The following UBL4B variants were observed in gnomAD, a reference collection of about 807,000 sequenced individuals.
UBL4B encodes the protein ubiquitin-like protein 4B.
For missense variants in UBL4B, 194 were observed against 209.9 expected, an observed-to-expected ratio of 0.92 and a Z score of 0.47; for synonymous variants, 94 against 92.8, an observed-to-expected ratio of 1.01 and a Z score of -0.08.
Position 110,112,917 on chromosome 1 carries a change from A to G in UBL4B, c.383A>G (p.Glu128Gly). ...HEERLQKISL[E>G]HLEQLAQYLL... Reference sequence around the variant, plus strand: ...GAGCGCCTGCAGAAGATAAGCCTGGAGCACCTGGAGCAGCTGGCCCAGTAC... The same window carrying G: ...GAGCGCCTGCAGAAGATAAGCCTGGGGCACCTGGAGCAGCTGGCCCAGTAC... Residue 128 changes from glutamate to glycine, a missense_variant, in exon 1 of 1, where the codon GAG (glutamate) becomes GGG (glycine). By Grantham distance (98) the Glu-to-Gly change is moderately conservative. Coordinates refer to ENST00000334179, the MANE Select transcript of UBL4B (RefSeq NM_203412.2). 6.2e-7 allele frequency: 1 copy of G among 1,611,250 alleles called. No homozygotes were observed.
rs1389185900 is a variant in UBL4B at position 110,113,182 on chromosome 1, C to A, written c.*123C>A. ...CGTCCACACCCCTTTTTGAACCTTC[C>A]AAGCAGCTGGAGGGTTTTTGGATCC... On this transcript the variant is annotated 3_prime_UTR_variant, in exon 1 of 1. Transcript: ENST00000334179. 7.2e-7 allele frequency: 1 copy of A among 1,384,548 alleles called. No individual in the cohort carries two copies. The highest frequency in any genetic ancestry group is 9.6e-7 in the Non-Finnish European group (1 of 1,041,756). 85.8% of individuals were successfully genotyped at this position (1,384,548 alleles called of 1,614,324 possible). A position where few individuals can be genotyped will look rare whatever the true frequency, so the allele number is the denominator to read the frequency against.
rs1654817554 is a variant in UBL4B, at chr1:110,112,450, G to A, written c.-85G>A. ...TGGGACTACTAGCCCTTTGTTGATA[G>A]GGAGAAGCCAACATCTCCCGCAGGA... On this transcript the variant is annotated 5_prime_UTR_variant, in exon 1 of 1. Coordinates refer to ENST00000334179, the MANE Select transcript of UBL4B (RefSeq NM_203412.2). The A allele has an allele frequency of 6.6e-7, 1 of 1,516,632 alleles. No individual in the cohort carries two copies. The highest frequency in any genetic ancestry group is 8.8e-7 in the Non-Finnish European group (1 of 1,131,794). The allele number at this position is 1,516,632 out of a possible 1,614,324, so 93.9% of individuals were successfully genotyped here. A position where few individuals can be genotyped will look rare whatever the true frequency, so the allele number is the denominator to read the frequency against.
Position 110,113,288 on chromosome 1 carries a change from T to G in UBL4B, c.*229T>G. On this transcript the variant is annotated 3_prime_UTR_variant, in exon 1 of 1. Transcript: ENST00000334179. ...CATCACCATGCTTCCCCTAGAAGGG[T>G]TCTGATCACCGGAGGGCAGCCCCAA... The G allele has an allele frequency of 1.6e-6, 1 of 617,746 alleles. No individual in the cohort carries two copies. The highest frequency in any genetic ancestry group is 2.6e-5 in the South Asian group (1 of 38,908). The allele number at this position is 617,746 out of a possible 1,614,324, so 38.3% of individuals were successfully genotyped here.
At position 110,112,525 on chromosome 1, in the gene UBL4B, A is replaced by T. The variant is rs1181947254; in HGVS notation, c.-10A>T. 1.3e-6 allele frequency: 2 copies of T among 1,596,352 alleles called. No individual in the cohort carries two copies. Among genetic ancestry groups the T allele is most frequent in the South Asian group, 1.1e-5 (1 of 88,066 alleles). On this transcript the variant is annotated 5_prime_UTR_variant, in exon 1 of 1. Coordinates refer to ENST00000334179, the MANE Select transcript of UBL4B (RefSeq NM_203412.2). ...CAGAGCATGGATCCCTCCTGATTCC[A>T]CTCAGCCCGATGTTCCTCACAGTCA...
In UBL4B at chr1:110,113,860, A is replaced by G. The variant is rs1032987876; in HGVS notation, c.*801A>G. ...CTGGAAGGAAAAATGGTATCTGTCA[A>G]TGAGGATCCTTGCCCTCACAGAGCA... On this transcript the variant is annotated 3_prime_UTR_variant, in exon 1 of 1. Coordinates refer to ENST00000334179, the MANE Select transcript of UBL4B (RefSeq NM_203412.2). The G allele has an allele frequency of 1.2e-5, 2 of 167,088 alleles. No homozygotes were observed. Among genetic ancestry groups the G allele is most frequent in the Non-Finnish European group, 2.9e-5 (2 of 68,202 alleles). The allele number at this position is 167,088 out of a possible 1,614,324, so 10.4% of individuals were successfully genotyped here.
Position 110,113,010 on chromosome 1 carries a change from A to G in UBL4B, c.476A>G (p.Gln159Arg), listed in dbSNP as rs772830731. The G allele has an allele frequency of 3.7e-6, 6 of 1,604,170 alleles. No homozygotes were observed. Among genetic ancestry groups the G allele is most frequent in the Non-Finnish European group, 5.1e-6 (6 of 1,176,274 alleles). The change falls in exon 1 of 1, where the codon CAG becomes CGG. Residue 159 changes from glutamine (Q) to arginine (R), a missense_variant. Physicochemically the swap from Gln to Arg is conservative, Grantham distance 43. Coordinates refer to ENST00000334179, the MANE Select transcript of UBL4B (RefSeq NM_203412.2). ...GAGCTTGAGGCGAAGGCACGGCCTC[A>G]GAGCTCCTGTGACATGGAGGAGAAG... ...ERELEAKARP[Q>R]SSCDMEEKEE...
rs1320396620 is a variant in UBL4B, at chr1:110,113,767, C to T, written c.*708C>T. The T allele has an allele frequency of 6.0e-6, 1 of 167,164 alleles. No individual in the cohort carries two copies. The highest frequency in any genetic ancestry group is 6.5e-5 in the Admixed American group (1 of 15,292). The allele number at this position is 167,164 out of a possible 1,614,324, so 10.4% of individuals were successfully genotyped here. ...CCAGCGTGAACAGAGCCATGCCCCA[C>T]CCTCCCAGACTGATCAGTCAGTAGG... On this transcript the variant is annotated 3_prime_UTR_variant, in exon 1 of 1. Coordinates refer to ENST00000334179, the MANE Select transcript of UBL4B (RefSeq NM_203412.2).
rs755517893 is a variant in UBL4B, at chr1:110,112,672, T to C, written c.138T>C (p.Arg46=). The part of the protein sequence containing the change: ...VPEEQQHLLF[R]GQLLEDDKHL... ...AGGAGCAGCAGCACCTGCTTTTCCG[T>C]GGCCAGCTCCTGGAGGATGACAAGC... The change falls in exon 1 of 1, where the codon CGT becomes CGC. Residue 46 remains arginine (R), a synonymous_variant. Transcript: ENST00000334179. 2.3e-5 allele frequency: 37 copies of C among 1,614,058 alleles called. No homozygotes were observed. Among genetic ancestry groups the C allele is most frequent in the Non-Finnish European group, 2.7e-5 (32 of 1,180,050 alleles).
chr1:110,112,664 C>G lies in UBL4B; in HGVS notation c.130C>G (p.Leu44Val), dbSNP rs146956699. 2.1e-5 allele frequency: 34 copies of G among 1,614,074 alleles called. No homozygotes were observed. Among genetic ancestry groups the G allele is most frequent in the Non-Finnish European group, 2.6e-5 (31 of 1,180,056 alleles). Residue 44 changes from leucine (L) to valine (V), a missense_variant, in exon 1 of 1, where the codon CTT (leucine) becomes GTT (valine). Physicochemically the swap from Leu to Val is conservative, Grantham distance 32 (BLOSUM62 1). Coordinates refer to ENST00000334179, the MANE Select transcript of UBL4B (RefSeq NM_203412.2). ...LKVPEEQQHL[L>V]FRGQLLEDDK... The stretch of plus-strand genomic sequence containing the variant: ...GGTGCCTGAGGAGCAGCAGCACCTG[C>G]TTTTCCGTGGCCAGCTCCTGGAGGA...
chr1:110,113,431 C>T lies in UBL4B; in HGVS notation c.*372C>T, dbSNP rs1010745382. ...TTCTAGGCAGACCCTCTTTCTCCTTCGGGACAGAAAGACAATGTGAGTTCA... is the reference window on the plus strand; with the variant it reads ...TTCTAGGCAGACCCTCTTTCTCCTTTGGGACAGAAAGACAATGTGAGTTCA... On this transcript the variant is annotated 3_prime_UTR_variant, in exon 1 of 1. Transcript: ENST00000334179. 3 of 212,076 alleles carry T rather than the reference C, an allele frequency of 1.4e-5. No homozygotes were observed. The highest frequency in any genetic ancestry group is 2.4e-4 in the East Asian group (2 of 8,236). The allele number at this position is 212,076 out of a possible 1,614,324, so 13.1% of individuals were successfully genotyped here. A position where few individuals can be genotyped will look rare whatever the true frequency, so the allele number is the denominator to read the frequency against.
chr1:110,112,528 C>T lies in UBL4B; in HGVS notation c.-7C>T, dbSNP rs1221866443. ...AGCATGGATCCCTCCTGATTCCACT[C>T]AGCCCGATGTTCCTCACAGTCAAGC... On this transcript the variant is annotated 5_prime_UTR_variant, in exon 1 of 1. Coordinates refer to ENST00000334179, the MANE Select transcript of UBL4B (RefSeq NM_203412.2). 6.3e-7 allele frequency: 1 copy of T among 1,597,874 alleles called. No homozygotes were observed. The highest frequency in any genetic ancestry group is 8.5e-7 in the Non-Finnish European group (1 of 1,171,500).
chr1:110,112,821 T>C lies in UBL4B; in HGVS notation c.287T>C (p.Leu96Pro). ...QTQPLWHQLG[L>P]VLAKHFEPQD... The stretch of plus-strand genomic sequence containing the variant: ...CAGCCCCTGTGGCACCAGCTGGGAC[T>C]GGTCCTAGCTAAACACTTTGAACCA... Residue 96 changes from leucine (L) to proline (P), a missense_variant, in exon 1 of 1, where the codon CTG becomes CCG. By Grantham distance (98) the Leu-to-Pro change is moderately conservative (BLOSUM62 -3). Transcript: ENST00000334179. 1 of 1,613,874 alleles carries C rather than the reference T, an allele frequency of 6.2e-7. No individual in the cohort carries two copies. Among genetic ancestry groups the C allele is most frequent in the Non-Finnish European group, 8.5e-7 (1 of 1,180,028 alleles).
In UBL4B at chr1:110,113,001, C is replaced by A; in HGVS notation, c.467C>A (p.Ala156Glu). 6.2e-7 allele frequency: 1 copy of A among 1,606,372 alleles called. No homozygotes were observed. Residue 156 changes from alanine to glutamate, a missense_variant, in exon 1 of 1, where the codon GCA (alanine) becomes GAA (glutamate). Coordinates refer to ENST00000334179, the MANE Select transcript of UBL4B (RefSeq NM_203412.2). Reference protein sequence around the residue: ...PAGERELEAKARPQSSCDMEE... With the variant: ...PAGERELEAKERPQSSCDMEE... ...GGAGAGAGGGAGCTTGAGGCGAAGG[C>A]ACGGCCTCAGAGCTCCTGTGACATG...
At position 110,112,444 on chromosome 1, in the gene UBL4B, T is replaced by A; in HGVS notation, c.-91T>A. The A allele has an allele frequency of 6.6e-7, 1 of 1,508,408 alleles. No individual in the cohort carries two copies. Among genetic ancestry groups the A allele is most frequent in the Non-Finnish European group, 8.9e-7 (1 of 1,124,684 alleles). The allele number at this position is 1,508,408 out of a possible 1,614,324, so 93.4% of individuals were successfully genotyped here. ...GTCTCCTGGGACTACTAGCCCTTTG[T>A]TGATAGGGAGAAGCCAACATCTCCC... On this transcript the variant is annotated 5_prime_UTR_variant, in exon 1 of 1. It adds an upstream start codon to the 5' untranslated region. Coordinates refer to ENST00000334179, the MANE Select transcript of UBL4B (RefSeq NM_203412.2).
In UBL4B at chr1:110,112,879, G is replaced by T; in HGVS notation, c.345G>T (p.Arg115Ser). Residue 115 changes from arginine to serine, a missense_variant, in exon 1 of 1, where the codon AGG (arginine) becomes AGT (serine). Arg to Ser is a moderately radical substitution (Grantham distance 110). Coordinates refer to ENST00000334179, the MANE Select transcript of UBL4B (RefSeq NM_203412.2). ...QDAKAVLQLL[R>S]QEHEERLQKI... ...CCAAGGCCGTGCTGCAGCTGCTAAGGCAGGAGCACGAGGAGCGCCTGCAGA... is the reference window on the plus strand; with the variant it reads ...CCAAGGCCGTGCTGCAGCTGCTAAGTCAGGAGCACGAGGAGCGCCTGCAGA... The T allele has an allele frequency of 6.2e-7, 1 of 1,613,486 alleles. No individual in the cohort carries two copies. Among genetic ancestry groups the T allele is most frequent in the Non-Finnish European group, 8.5e-7 (1 of 1,180,000 alleles).
rs559740041 is a variant in UBL4B at position 110,112,631 on chromosome 1, C to A, written c.97C>A (p.Arg33=). The stretch of plus-strand genomic sequence containing the variant: ...CACGCTGAAGAGACTGGTGTCCAGG[C>A]GGCTGAAGGTGCCTGAGGAGCAGCA... ...VATLKRLVSR[R]LKVPEEQQHL... is the part of the protein sequence containing the mutation. Residue 33 remains arginine, a synonymous_variant, in exon 1 of 1, where the codon CGG becomes AGG. Transcript: ENST00000334179. 5 of 1,614,178 alleles carry A rather than the reference C, an allele frequency of 3.1e-6. No individual in the cohort carries two copies. In the South Asian group the frequency reaches 4.4e-5, roughly 14 times the overall value.
rs1357796801 is a variant in UBL4B, at chr1:110,112,853, G to A, written c.319G>A (p.Ala107Thr). 6.2e-7 allele frequency: 1 copy of A among 1,613,586 alleles called. No homozygotes were observed. Among genetic ancestry groups the A allele is most frequent in the Non-Finnish European group, 8.5e-7 (1 of 1,180,038 alleles). ...AGCTAAACACTTTGAACCACAGGAT[G>A]CCAAGGCCGTGCTGCAGCTGCTAAG... ...VLAKHFEPQDAKAVLQLLRQE... is the reference protein window; with the variant it reads ...VLAKHFEPQDTKAVLQLLRQE... Residue 107 changes from alanine (A) to threonine (T), a missense_variant, in exon 1 of 1, where the codon GCC (alanine) becomes ACC (threonine). Coordinates refer to ENST00000334179, the MANE Select transcript of UBL4B (RefSeq NM_203412.2).
At position 110,112,530 on chromosome 1, in the gene UBL4B, G is replaced by C; in HGVS notation, c.-5G>C. 1.2e-6 allele frequency: 2 copies of C among 1,600,834 alleles called. No homozygotes were observed. On this transcript the variant is annotated 5_prime_UTR_variant, in exon 1 of 1. Transcript: ENST00000334179. ...CATGGATCCCTCCTGATTCCACTCA[G>C]CCCGATGTTCCTCACAGTCAAGCTG...
In UBL4B at chr1:110,113,196, G is replaced by A; in HGVS notation, c.*137G>A. On this transcript the variant is annotated 3_prime_UTR_variant, in exon 1 of 1. Transcript: ENST00000334179. Reference sequence around the variant, plus strand: ...TTTGAACCTTCCAAGCAGCTGGAGGGTTTTTGGATCCCTGTCCCCTCTTGG... The same window carrying A: ...TTTGAACCTTCCAAGCAGCTGGAGGATTTTTGGATCCCTGTCCCCTCTTGG... 1 of 1,318,542 alleles carries A rather than the reference G, an allele frequency of 7.6e-7. No homozygotes were observed. The highest frequency in any genetic ancestry group is 1.6e-5 in the South Asian group (1 of 62,878). 81.7% of individuals were successfully genotyped at this position (1,318,542 alleles called of 1,614,324 possible).
Sources: allele counts gnomAD v4.1 joint callset, GRCh38; gene constraint gnomAD v4.1.1; transcripts MANE v1.5; gene names NCBI Gene and HGNC (gene_info 2026-07-23, HGNC 2026-07-21).